Variants in NALF1 observed in about 807,000 individuals in gnomAD.
The protein encoded by NALF1 is family with sequence similarity 155 member A.
A neutral mutation model predicts 48.4 loss-of-function variants in NALF1; 3 were observed. The observed-to-expected ratio is 0.06, with a 90% CI of 0.03 to 0.16. The LOEUF (loss-of-function observed/expected upper bound fraction) is 0.16, where lower values mean the gene tolerates loss of function less well. Ranked by LOEUF, NALF1 falls within the 10% of genes least tolerant of loss-of-function variation. The pLI is 1.00. For missense variants in NALF1, 526 were observed against 571.5 expected (o/e 0.92, Z 0.81); for synonymous variants, 262 against 245.7 (o/e 1.07, Z -0.62).
At chr13:107,317,476 T>A (rs1315374151) in intron 1 of NALF1, among the ~76,000 whole-genome samples, 1 of 152,048 alleles carries the variant, frequency 6.6e-6, no homozygotes, top group Non-Finnish European at 1.5e-5. Flanking sequence ...TTTAAAAACA[T>A]GTAGAATTCC....
chr13:107,763,471 C>CAAA (rs750250035), intron 1 of NALF1, among the ~76,000 whole-genome samples: 1 of 79,156 alleles, frequency 1.3e-5, no homozygotes, highest in East Asian at 2.8e-4. Context: ...TATTAAAATT[C>CAAA]AAAAAAAAAA....
intron 1 of NALF1, among the ~76,000 whole-genome samples, chr13:107,451,300 G>A (rs1003905301): frequency 6.6e-6 from 1 of 152,192 alleles, no homozygotes; most frequent in Non-Finnish European, 1.5e-5. Flanking sequence ...GATCTAGCAT[G>A]GCTGTGAAGC....
At chr13:107,400,672 C>T (rs1344776000) in intron 1 of NALF1, among the ~76,000 whole-genome samples, 4 of 151,702 alleles carry the variant, frequency 2.6e-5, no homozygotes, top group African/African-American at 9.7e-5. Flanking sequence ...CCACTGCACT[C>T]CAGCCTGGGT....
chr13:107,351,073 A>G (rs1336518600), intron 1 of NALF1, among the ~76,000 whole-genome samples: 5 of 152,230 alleles, frequency 3.3e-5, no homozygotes, highest in Admixed American at 1.3e-4. Context: ...GCTGAAGCAG[A>G]TATCAGTGGC....
intron 1 of NALF1, among the ~76,000 whole-genome samples, chr13:107,503,496 T>C (rs1290196561): frequency 2.0e-5 from 3 of 152,098 alleles, no homozygotes; most frequent in Non-Finnish European, 4.4e-5. Context: ...AATACACTGT[T>C]GGTGGGAACG....
chr13:107,204,734 G>A (rs1879598444), intron 2 of NALF1, among the ~76,000 whole-genome samples: 1 of 151,808 alleles, frequency 6.6e-6, no homozygotes, highest in South Asian at 2.1e-4. Context: ...TTTATTCTGG[G>A]CATACCATCT....
At chr13:107,680,915 G>A (rs1192700383) in intron 1 of NALF1, among the ~76,000 whole-genome samples, 2 of 150,638 alleles carry the variant, frequency 1.3e-5, no homozygotes, top group African/African-American at 4.9e-5. Flanking sequence ...GTGTGAGAGG[G>A]TGTATGAGAG....
intron 1 of NALF1, among the ~76,000 whole-genome samples, chr13:107,616,021 T>C (rs1342115363): frequency 2.0e-5 from 3 of 152,182 alleles, no homozygotes; most frequent in Non-Finnish European, 4.4e-5. Flanking sequence ...AATGAGCAAG[T>C]GTATCTGAAG....
intron 1 of NALF1, among the ~76,000 whole-genome samples, chr13:107,617,587 G>GAAC (rs1879414315): frequency 6.6e-6 from 1 of 152,166 alleles, no homozygotes; most frequent in Non-Finnish European, 1.5e-5. Flanking sequence ...CCATGAGAAA[G>GAAC]AACTCAGTGG....
intron 1 of NALF1, among the ~76,000 whole-genome samples, chr13:107,718,114 C>T (rs1350983348): frequency 6.6e-6 from 1 of 152,134 alleles, no homozygotes; most frequent in East Asian, 1.9e-4. Context: ...GAGGCGAGAG[C>T]CCTGCTGCTG....
At chr13:107,567,192 T>G (rs897215227) in intron 1 of NALF1, among the ~76,000 whole-genome samples, 14 of 152,300 alleles carry the variant, frequency 9.2e-5, no homozygotes, top group African/African-American at 3.4e-4. Flanking sequence ...TATATTTGTT[T>G]TAAAATTAAA....
intron 1 of NALF1, among the ~76,000 whole-genome samples, chr13:107,262,089 A>C (rs993786075): frequency 2.0e-5 from 3 of 152,220 alleles, no homozygotes; most frequent in Non-Finnish European, 4.4e-5. Flanking sequence ...ATGCTTCTAC[A>C]TATTGTAACA....
intron 1 of NALF1, among the ~76,000 whole-genome samples, chr13:107,231,617 C>G (rs1880226690): frequency 6.6e-6 from 1 of 152,226 alleles, no homozygotes. Flanking sequence ...AGCAGCTCTT[C>G]TTCAAGGTCT....
chr13:107,236,149 G>A (rs1880337497), intron 1 of NALF1, among the ~76,000 whole-genome samples: 1 of 152,106 alleles, frequency 6.6e-6, no homozygotes, highest in Non-Finnish European at 1.5e-5. Flanking sequence ...TAGGCAGACT[G>A]CGGTCCCTAT....
chr13:107,247,187 GA>G (rs780154429), intron 1 of NALF1, among the ~76,000 whole-genome samples: 25 of 152,128 alleles, frequency 1.6e-4, no homozygotes, highest in Admixed American at 7.9e-4. Context: ...TCTATTTGTT[GA>G]CATACATATT....
chr13:107,461,448 T>A (rs1884917476), intron 1 of NALF1, among the ~76,000 whole-genome samples: 1 of 152,176 alleles, frequency 6.6e-6, no homozygotes, highest in Non-Finnish European at 1.5e-5. Flanking sequence ...TGCAGAAAAT[T>A]AGTGTTAAGA....
At chr13:107,748,260 G>A (rs1167804814) in intron 1 of NALF1, among the ~76,000 whole-genome samples, 1 of 152,098 alleles carries the variant, frequency 6.6e-6, no homozygotes, top group African/African-American at 2.4e-5. Flanking sequence ...TTATTAATTT[G>A]AGTTGTATAA....
intron 1 of NALF1, among the ~76,000 whole-genome samples, chr13:107,242,908 C>T (rs1195943001): frequency 6.6e-6 from 1 of 152,148 alleles, no homozygotes; most frequent in Non-Finnish European, 1.5e-5. Flanking sequence ...ACCATACCCT[C>T]CAAAGAACAT....
At chr13:107,721,224 C>T (rs575302297) in intron 1 of NALF1, among the ~76,000 whole-genome samples, 1 of 152,002 alleles carries the variant, frequency 6.6e-6, no homozygotes, top group African/African-American at 2.4e-5. Flanking sequence ...GTGTATCATG[C>T]ACCAAATTGT....
Sources: allele counts gnomAD v4.1 joint callset (sites outside exome capture counted in the v4.1 genomes callset), GRCh38; gene constraint gnomAD v4.1.1; transcripts MANE v1.5; gene names NCBI Gene and HGNC (gene_info 2026-07-23, HGNC 2026-07-21).